Variants in PDE2A observed in about 807,000 individuals in gnomAD.
PDE2A encodes cGMP-dependent 3',5'-cyclic phosphodiesterase.
A neutral mutation model predicts 133.6 loss-of-function variants in PDE2A; 53 were observed. The observed-to-expected ratio is 0.40, with a 90% CI of 0.32 to 0.50. The LOEUF is 0.50. Ranked by LOEUF, PDE2A falls within the 20% of genes least tolerant of loss-of-function variation. PDE2A has a pLI of 0.73. For synonymous variants in PDE2A, 491 were observed against 490.2 expected (o/e 1.00, Z -0.02); for missense variants, 796 against 1,232.4 (o/e 0.65, Z 5.30).
intron 6 of PDE2A, 113 bp downstream of exon 6, chr11:72,596,480 T>TCACACA (rs1425625911): frequency 1.8e-4 from 44 of 238,214 alleles, no homozygotes; most frequent in African/African-American, 1.8e-3. Context: ...TCTCTCTCTC[T>TCACACA]CTCTCACACA....
chr11:72,590,251 G>A lies in PDE2A; in HGVS notation c.704-7C>T, dbSNP rs1274236263. 2 of 1,551,428 alleles carry A rather than the reference G, an allele frequency of 1.3e-6. No homozygotes were observed. The highest frequency in any genetic ancestry group is 1.7e-6 in the Non-Finnish European group (2 of 1,146,844). ...TCCAGGTCGTAGAGTTCCCCTGCAA[G>A]GGCCAGGCGCCGGTCAGAGAGAGGG... is the stretch of plus-strand genomic sequence containing the variant. On this transcript the variant is annotated splice_region_variant and splice_polypyrimidine_tract_variant and intron_variant, in intron 8 of 30. Coordinates refer to ENST00000334456, the MANE Select transcript of PDE2A (RefSeq NM_002599.5). This position sits in a 1 kb window ranked among gnomAD's most constrained non-coding sequence, Gnocchi z 4.8.
In PDE2A at chr11:72,578,528, A is replaced by G. The variant is rs1315539899; in HGVS notation, c.2470-14T>C. 1 of 1,607,564 alleles carries G rather than the reference A, an allele frequency of 6.2e-7. No homozygotes were observed. Among genetic ancestry groups the G allele is most frequent in the South Asian group, 1.1e-5 (1 of 90,916 alleles). On this transcript the variant is annotated splice_polypyrimidine_tract_variant and intron_variant, in intron 28 of 30. Transcript: ENST00000334456. This position sits in a 1 kb window ranked among gnomAD's most constrained non-coding sequence, Gnocchi z 4.2. ...GTAGATCAGCTCCTGAAAGGCCAAC[A>G]CTCTCATCACATCCTCTATGTAGGA...
chr11:72,671,428 A>C (rs1033840928), intron 1 of PDE2A, among the ~76,000 whole-genome samples: 3 of 152,154 alleles, frequency 2.0e-5, no homozygotes, highest in African/African-American at 7.2e-5. Flanking sequence ...AGCATGGCTG[A>C]GGGTGAGACT....
chr11:72,647,062 CCCCATGGT>C (rs758766831), intron 1 of PDE2A, among the ~76,000 whole-genome samples: 43 of 152,180 alleles, frequency 2.8e-4, no homozygotes, highest in Non-Finnish European at 5.4e-4. Flanking sequence ...TTCCCTGAGT[CCCCATGGT>C]CCAGCCAAGC....
intron 1 of PDE2A, among the ~76,000 whole-genome samples, chr11:72,664,364 A>T (rs1227593107): frequency 1.6e-3 from 113 of 70,086 alleles, no homozygotes; most frequent in African/African-American, 2.3e-3. Flanking sequence ...CCCTTGAAGG[A>T]TTTTTTTTTT....
intron 6 of PDE2A, among the ~76,000 whole-genome samples, chr11:72,595,247 G>C (rs1007689796): frequency 6.6e-6 from 1 of 152,174 alleles, no homozygotes; most frequent in Non-Finnish European, 1.5e-5. Context: ...GCCCTCAGCA[G>C]AGAAGGAGGT....
chr11:72,642,284 C>T lies in PDE2A; in HGVS notation c.114G>A (p.Pro38=). The T allele has an allele frequency of 2.0e-6, 3 of 1,518,472 alleles. No individual in the cohort carries two copies. The highest frequency in any genetic ancestry group is 1.3e-5 in the South Asian group (1 of 78,408). 94.1% of individuals were successfully genotyped at this position (1,518,472 alleles called of 1,614,324 possible). A position where few individuals can be genotyped will look rare whatever the true frequency, so the allele number is the denominator to read the frequency against. ...GGCTGTCGGCGCATGGCTGCGGCGG[C>T]GGCGGCGGCTCGTCCGGCTTGAGGA... ...QVFLKPDEPP[P]PPQPCADSLQ... is the part of the protein sequence containing the mutation. Residue 38 remains proline (P), a synonymous_variant, in exon 2 of 31, where the codon CCG becomes CCA. Transcript: ENST00000334456.
At chr11:72,585,223 G>A in intron 16 of PDE2A, 148 bp downstream of exon 16, 1 of 733,396 alleles carries the variant, frequency 1.4e-6, no homozygotes, top group Non-Finnish European at 2.4e-6. Context: ...GTCTAGCGAG[G>A]GAGACAGGCA....
chr11:72,626,117 G>C (rs925893576), intron 2 of PDE2A, among the ~76,000 whole-genome samples: 1 of 152,270 alleles, frequency 6.6e-6, no homozygotes, highest in African/African-American at 2.4e-5. Context: ...TTGCCCGCGA[G>C]CCTGGCGTGG....
Position 72,668,531 on chromosome 11 carries a change from G to A in PDE2A, c.71+5606C>T, listed in dbSNP as rs750302410. ...AAGCCAGGGGGTCCCTGAGGGAAGAGGTCGATGCTGCTTCACCTTTGGGCT... is the reference window on the plus strand; with the variant it reads ...AAGCCAGGGGGTCCCTGAGGGAAGAAGTCGATGCTGCTTCACCTTTGGGCT... On this transcript the variant is annotated intron_variant, in intron 1 of 30. Coordinates refer to ENST00000334456, the MANE Select transcript of PDE2A (RefSeq NM_002599.5). 3 of 696,926 alleles carry A rather than the reference G, an allele frequency of 4.3e-6. 1 individual carries two copies. Among genetic ancestry groups the A allele is most frequent in the Middle Eastern group, 4.7e-4 (2 of 4,298 alleles). The allele number at this position is 696,926 out of a possible 1,614,324, so 43.2% of individuals were successfully genotyped here.
intron 2 of PDE2A, among the ~76,000 whole-genome samples, chr11:72,632,579 A>C (rs1591105362): frequency 6.6e-6 from 1 of 151,964 alleles, no homozygotes; most frequent in African/African-American, 2.4e-5. Flanking sequence ...GACCCCACTC[A>C]CCCAGTCATG....
At chr11:72,666,643 A>G (rs1855240926) in intron 1 of PDE2A, among the ~76,000 whole-genome samples, 1 of 152,170 alleles carries the variant, frequency 6.6e-6, no homozygotes, top group African/African-American at 2.4e-5. Context: ...GCCTTCACAC[A>G]CACATATCCC....
At chr11:72,622,137 C>T (rs566864823) in intron 2 of PDE2A, among the ~76,000 whole-genome samples, 1 of 151,786 alleles carries the variant, frequency 6.6e-6, no homozygotes, top group African/African-American at 2.4e-5. Flanking sequence ...AAATCAAAAC[C>T]ACAATGAAAT....
At chr11:72,591,502 T>C in intron 6 of PDE2A, 146 bp from the exon 7 acceptor site, 1 of 657,110 alleles carries the variant, frequency 1.5e-6, no homozygotes, top group Admixed American at 2.3e-5. Flanking sequence ...CCCATCTTTC[T>C]GACCACTCAG....
intron 2 of PDE2A, chr11:72,636,082 G>A: frequency 8.0e-7 from 1 of 1,251,506 alleles, no homozygotes. Flanking sequence ...CCTTAGGGTG[G>A]GAGACAGGAA....
intron 1 of PDE2A, among the ~76,000 whole-genome samples, chr11:72,660,429 A>T (rs1389865450): frequency 1.3e-5 from 2 of 152,056 alleles, no homozygotes; most frequent in African/African-American, 4.8e-5. Context: ...GTTAGCAAGG[A>T]CTCACTAGGC....
In PDE2A at chr11:72,589,974, T is replaced by A. The variant is rs751296171; in HGVS notation, c.764A>T (p.Gln255Leu). The change falls in exon 10 of 31, where the codon CAG (glutamine) becomes CTG (leucine). Residue 255 changes from glutamine (Q) to leucine (L), a missense_variant. Physicochemically the swap from Gln to Leu is moderately radical, Grantham distance 113. Coordinates refer to ENST00000334456, the MANE Select transcript of PDE2A (RefSeq NM_002599.5). ...GCAGCAGCGGGATGCCCGGGTCTCCTGCTGCAGCTGAGAGAGGGACAGGCA... is the reference window on the plus strand; with the variant it reads ...GCAGCAGCGGGATGCCCGGGTCTCCAGCTGCAGCTGAGAGAGGGACAGGCA... ...LQLKVLQYLQ[Q>L]ETRASRCCLL... The A allele has an allele frequency of 5.6e-6, 9 of 1,611,900 alleles. No individual in the cohort carries two copies. The highest frequency in any genetic ancestry group is 7.6e-6 in the Non-Finnish European group (9 of 1,179,354).
intron 1 of PDE2A, 94 bp from the exon 2 acceptor site, chr11:72,642,420 G>A (rs1346119679): frequency 4.8e-6 from 6 of 1,245,190 alleles, no homozygotes; most frequent in Admixed American, 8.4e-5. Context: ...CGCTGCGCTC[G>A]GTCAGCGCGT....
chr11:72,633,428 C>A (rs1019613087), intron 2 of PDE2A, among the ~76,000 whole-genome samples: 1 of 152,170 alleles, frequency 6.6e-6, no homozygotes, highest in African/African-American at 2.4e-5. Context: ...CAGGAGGAAC[C>A]TAGGCTCACA....
Sources: gnomAD v4.1 joint callset for allele counts (sites outside exome capture counted in the v4.1 genomes callset) on GRCh38, gnomAD v4.1.1 for gene constraint, Gnocchi (gnomAD v3.1) non-coding constraint, MANE v1.5 for transcripts, NCBI Gene and HGNC (gene_info 2026-07-23, HGNC 2026-07-21) for gene names.